The following ZNF718 variants were observed in gnomAD, a reference collection of about 807,000 sequenced individuals.
ZNF718 encodes zinc finger protein 718.
A neutral mutation model predicts 2.6 loss-of-function variants in ZNF718; 3 were observed. That is an observed-to-expected ratio of 1.16 (90% CI 0.53 to 3.01). ZNF718 has a LOEUF of 3.01. ZNF718 is among the 30% of genes most tolerant of loss of function. ZNF718 has a pLI of 0.03. For missense variants in ZNF718, 468 were observed against 230.0 expected (o/e 2.03, Z -6.69); for synonymous variants, 135 against 77.9 (o/e 1.73, Z -3.86).
chr4:149,906 A>C (rs1716239947), intron 3 of ZNF718: 1 of 152,136 alleles, frequency 6.6e-6, no homozygotes, highest in South Asian at 2.1e-4. Flanking sequence ...GCCTTCTTAA[A>C]CATTTTCAAT....
chr4:161,175 A>T lies in ZNF718; in HGVS notation c.490A>T (p.Arg164Ter), dbSNP rs1553814963. ...TTCAAATTCAAACAAAGATAAGATA[A>T]GATATACTGGAGATAAAACCTTTAA... ...KFSNSNKDKI[R>*]YTGDKTFKCK... is the part of the protein sequence containing the mutation. Residue 164 changes from arginine (R) to a stop codon, truncating the protein, a stop_gained, in exon 4 of 4, where the codon AGA becomes TGA. Transcript: ENST00000510175. LOFTEE classifies it low-confidence loss of function (END_TRUNC). The T allele has an allele frequency of 1.3e-6, 1 of 766,218 alleles. No individual in the cohort carries two copies. Among genetic ancestry groups the T allele is most frequent in the East Asian group, 2.4e-5 (1 of 40,956 alleles). 47.5% of individuals were successfully genotyped at this position (766,218 alleles called of 1,614,324 possible).
chr4:136,810 T>C (rs1321898922), intron 3 of ZNF718, among the ~76,000 whole-genome samples: 1 of 152,254 alleles, frequency 6.6e-6, no homozygotes, highest in Non-Finnish European at 1.5e-5. Context: ...ATTGTATGTA[T>C]AAGCCACATC....
At position 124,639 on chromosome 4, in the gene ZNF718, C is replaced by A. The variant is rs782595460; in HGVS notation, c.-32C>A. 6.2e-7 allele frequency: 1 copy of A among 1,606,854 alleles called. No individual in the cohort carries two copies. Among genetic ancestry groups the A allele is most frequent in the Non-Finnish European group, 8.5e-7 (1 of 1,179,542 alleles). On this transcript the variant is annotated 5_prime_UTR_variant, in exon 1 of 4. Transcript: ENST00000510175. ...CCTGCCGGTATTGGATGATTCGTAT[C>A]TAAGACTCTGGGACACTCCTGAAGT...
chr4:179,387 A>C (rs1015240694), intron 3 of ZNF718, among the ~76,000 whole-genome samples: 1 of 152,070 alleles, frequency 6.6e-6, no homozygotes, highest in Non-Finnish European at 1.5e-5. Flanking sequence ...ATTACATATG[A>C]ATTTTAGGAT....
intron 3 of ZNF718, among the ~76,000 whole-genome samples, chr4:151,460 T>TTTTTG (rs373021815): frequency 2.6e-4 from 39 of 149,288 alleles, no homozygotes; most frequent in South Asian, 6.4e-4. Context: ...GAGTAATGTT[T>TTTTTG]TTTTGTTTTG....
intron 3 of ZNF718, chr4:201,034 C>G (rs192240058): frequency 6.6e-6 from 1 of 152,148 alleles, no homozygotes; most frequent in Non-Finnish European, 1.5e-5. Context: ...TTTGCCTTGT[C>G]GAGAGGAGAA....
rs568459158 is a variant in ZNF718, at chr4:175,683, G to T, written c.227-25398G>T. On this transcript the variant is annotated intron_variant and NMD_transcript_variant, in intron 3 of 4. Transcript: ENST00000642529. ...GCGTCAGCAATGTTAGTAATATTTT[G>T]ATGTTTATATTACAAGTCATAATAC... 4.5e-4 allele frequency among the ~76,000 whole-genome samples: 68 copies of T among 151,970 alleles called. 1 individual carries two copies. The highest frequency in any genetic ancestry group is 9.0e-4 in the Non-Finnish European group (61 of 67,982).
At chr4:151,752 G>A (rs987245600) in intron 3 of ZNF718, among the ~76,000 whole-genome samples, 1 of 151,944 alleles carries the variant, frequency 6.6e-6, no homozygotes, top group Admixed American at 6.6e-5. Flanking sequence ...TGTAGGGGTG[G>A]GTTGCCCCTA....
rs1553816103 is a variant in ZNF718 at position 163,502 on chromosome 4, A to T, written c.*1380A>T. On this transcript the variant is annotated 3_prime_UTR_variant, in exon 4 of 4. Coordinates refer to ENST00000510175, the MANE Select transcript of ZNF718 (RefSeq NM_001039127.6). ...AACTTTTACATGAATGAGTAAGGAC[A>T]TTGAAAGATGCATGAGATGATGCAT... The T allele has an allele frequency of 6.6e-6, 1 of 152,190 alleles. No homozygotes were observed. The highest frequency in any genetic ancestry group is 6.5e-5 in the Admixed American group (1 of 15,278). The allele number at this position is 152,190 out of a possible 1,614,324, so 9.4% of individuals were successfully genotyped here.
chr4:180,604 T>C (rs1717444848), intron 3 of ZNF718, among the ~76,000 whole-genome samples: 1 of 152,216 alleles, frequency 6.6e-6, no homozygotes, highest in Non-Finnish European at 1.5e-5. Flanking sequence ...CAAGAAAGCA[T>C]TGATGATGTA....
At chr4:190,279 A>T in intron 3 of ZNF718, among the ~76,000 whole-genome samples, 1 of 152,120 alleles carries the variant, frequency 6.6e-6, no homozygotes, top group East Asian at 1.9e-4. Flanking sequence ...AAATACAAAA[A>T]ATTAGCCAGG....
intron 1 of ZNF718, among the ~76,000 whole-genome samples, chr4:126,573 G>A (rs1331978669): frequency 6.6e-6 from 1 of 152,154 alleles, no homozygotes; most frequent in East Asian, 1.9e-4. Flanking sequence ...GATGTGGGAA[G>A]TTTATTTTTC....
At chr4:165,596 C>T (rs1479979429), downstream of ZNF718, among the ~76,000 whole-genome samples, 5 of 152,130 alleles carry the variant, frequency 3.3e-5, no homozygotes, top group Admixed American at 6.5e-5. Flanking sequence ...GTCAGGAGTT[C>T]GAGGCCAGCC....
rs955358554 is a variant in ZNF718 at position 193,032 on chromosome 4, G to A, written c.227-8049G>A. Among the ~76,000 whole-genome samples, 4 of 152,158 alleles carry A rather than the reference G, an allele frequency of 2.6e-5. No homozygotes were observed. The South Asian group carries it at 8.3e-4, about 31-fold the overall frequency. Reference sequence around the variant, plus strand: ...TTCCATTGGTTAGCTGCAGGCAAAAGTATTTTCCTTCTTCAGTGGCTAGCC... The same window carrying A: ...TTCCATTGGTTAGCTGCAGGCAAAAATATTTTCCTTCTTCAGTGGCTAGCC... On this transcript the variant is annotated intron_variant and NMD_transcript_variant, in intron 3 of 4. Transcript: ENST00000642529.
intron 3 of ZNF718, among the ~76,000 whole-genome samples, chr4:148,202 A>G (rs967406672): frequency 1.3e-5 from 2 of 152,168 alleles, no homozygotes; most frequent in African/African-American, 2.4e-5. Context: ...TAGTGGGAAT[A>G]AAGTCAGCCA....
chr4:159,100 G>C (rs1410926056), intron 3 of ZNF718, among the ~76,000 whole-genome samples: 1 of 149,748 alleles, frequency 6.7e-6, no homozygotes, highest in Non-Finnish European at 1.5e-5. Context: ...GCAGTGGCGC[G>C]ATCTTGGCTC....
intron 3 of ZNF718, among the ~76,000 whole-genome samples, chr4:140,177 A>G (rs549599602): frequency 2.5e-4 from 38 of 152,248 alleles, no homozygotes; most frequent in Non-Finnish European, 4.9e-4. Flanking sequence ...CCCGGCATCC[A>G]GTTCTCATTG....
At chr4:176,837 C>A (rs1717354676) in intron 3 of ZNF718, among the ~76,000 whole-genome samples, 1 of 152,216 alleles carries the variant, frequency 6.6e-6, no homozygotes, top group African/African-American at 2.4e-5. Flanking sequence ...ACTCTCTAGA[C>A]AGCAGCAACT....
At chr4:202,101 G>T (rs1484438405) in exon 5 of ZNF718, 1 of 152,170 alleles carries the variant, frequency 6.6e-6, no homozygotes, top group Non-Finnish European at 1.5e-5. Flanking sequence ...AATCATGGGG[G>T]CAGTTTCCCC....
Sources: gnomAD v4.1 joint callset for allele counts (sites outside exome capture counted in the v4.1 genomes callset) on GRCh38, gnomAD v4.1.1 for gene constraint, MANE v1.5 for transcripts, NCBI Gene and HGNC (gene_info 2026-07-23, HGNC 2026-07-21) for gene names.